Variants in EPC2 observed in about 807,000 individuals in gnomAD.
EPC2 encodes the protein enhancer of polycomb homolog 2.
In EPC2, 14 loss-of-function variants were observed where a neutral mutation model predicts 92.1. That is an observed-to-expected ratio of 0.15 (90% CI 0.10 to 0.24). The LOEUF (loss-of-function observed/expected upper bound fraction) is 0.24. Among genes scored for constraint, EPC2 ranks in the 10% least tolerant of loss-of-function variants. EPC2 has a pLI of 1.00. For synonymous variants in EPC2, 340 were observed against 334.7 expected (o/e 1.02, Z -0.17); for missense variants, 755 against 971.5 (o/e 0.78, Z 2.96).
At chr2:148,678,014 G>A (rs958328194) in intron 1 of EPC2, among the ~76,000 whole-genome samples, 3 of 152,148 alleles carry the variant, frequency 2.0e-5, no homozygotes, top group African/African-American at 7.2e-5. Context: ...GCTGGCTCCC[G>A]CAGCCTGCTT....
chr2:148,757,719 C>G (rs1414302157), intron 4 of EPC2, among the ~76,000 whole-genome samples: 5 of 151,952 alleles, frequency 3.3e-5, no homozygotes, highest in African/African-American at 1.2e-4. Flanking sequence ...CACCTGTAAT[C>G]CCAGCTACTC....
intron 3 of EPC2, among the ~76,000 whole-genome samples, chr2:148,749,479 GTTT>G (rs77332023): frequency 7.0e-6 from 1 of 143,270 alleles, no homozygotes; most frequent in Non-Finnish European, 1.5e-5. Flanking sequence ...CACATCATCG[GTTT>G]TTTTTTTTTT....
chr2:148,645,228 T>G (rs1255569283), intron 1 of EPC2, 58 bp downstream of exon 1: 4 of 1,387,982 alleles, frequency 2.9e-6, no homozygotes, highest in African/African-American at 1.5e-5. Context: ...CCTTTGTCAG[T>G]CGGGCCTCGC....
At chr2:148,752,731 A>G (rs977996558) in intron 3 of EPC2, among the ~76,000 whole-genome samples, 2 of 152,308 alleles carry the variant, frequency 1.3e-5, no homozygotes, top group African/African-American at 4.8e-5. Flanking sequence ...AATTCTAGAA[A>G]TAATCATCAT....
At chr2:148,703,448 T>C (rs1190899084) in intron 2 of EPC2, among the ~76,000 whole-genome samples, 1 of 152,158 alleles carries the variant, frequency 6.6e-6, no homozygotes, top group Non-Finnish European at 1.5e-5. Flanking sequence ...TTTGGTTTTT[T>C]TTTGTTCTAA....
At chr2:148,692,214 C>A in intron 2 of EPC2, 1 of 173,756 alleles carries the variant, frequency 5.8e-6, no homozygotes, top group South Asian at 1.3e-4. Flanking sequence ...ACTTAACTCC[C>A]TTATGAAAGC....
chr2:148,692,655 T>A (rs922146941), intron 2 of EPC2: 1 of 152,162 alleles, frequency 6.6e-6, no homozygotes, highest in African/African-American at 2.4e-5. Context: ...AGATAACTAT[T>A]CATAATAGAA....
At chr2:148,711,408 T>TA in intron 2 of EPC2, among the ~76,000 whole-genome samples, 1 of 152,204 alleles carries the variant, frequency 6.6e-6, no homozygotes, top group Non-Finnish European at 1.5e-5. Flanking sequence ...ATATTTTTGT[T>TA]ATTCATTTCT....
chr2:148,683,983 G>A (rs1574580571), intron 1 of EPC2, among the ~76,000 whole-genome samples: 1 of 152,166 alleles, frequency 6.6e-6, no homozygotes, highest in South Asian at 2.1e-4. Context: ...CCCACCAGCA[G>A]TGTAAAAGTG....
At chr2:148,767,507 G>A (rs1574631883) in intron 7 of EPC2, among the ~76,000 whole-genome samples, 1 of 152,088 alleles carries the variant, frequency 6.6e-6, no homozygotes, top group East Asian at 1.9e-4. Flanking sequence ...AAGTATTAAT[G>A]TTTACCTATA....
At chr2:148,768,090 A>G (rs1378088321) in intron 7 of EPC2, among the ~76,000 whole-genome samples, 1 of 152,176 alleles carries the variant, frequency 6.6e-6, no homozygotes, top group African/African-American at 2.4e-5. Flanking sequence ...CTCAGTGGTA[A>G]TTACCACAGT....
intron 2 of EPC2, among the ~76,000 whole-genome samples, chr2:148,707,605 A>T (rs1311077072): frequency 6.6e-6 from 1 of 152,200 alleles, no homozygotes; most frequent in Non-Finnish European, 1.5e-5. Flanking sequence ...GAAGTAAAGC[A>T]TTCCTCAGCA....
At chr2:148,749,559 C>T (rs191055354) in intron 3 of EPC2, among the ~76,000 whole-genome samples, 1 of 151,770 alleles carries the variant, frequency 6.6e-6, no homozygotes, top group East Asian at 1.9e-4. Context: ...TGGGGCAGAC[C>T]ACAAGCAGTG....
chr2:148,654,004 A>G (rs184869272), intron 1 of EPC2, among the ~76,000 whole-genome samples: 3,696 of 149,086 alleles, frequency 0.025, 53 homozygotes, highest in East Asian at 0.031. Flanking sequence ...CTGGAGTGCA[A>G]TGGCGCGATC....
intron 1 of EPC2, among the ~76,000 whole-genome samples, chr2:148,662,438 C>T (rs933325549): frequency 6.6e-6 from 1 of 152,136 alleles, no homozygotes; most frequent in African/African-American, 2.4e-5. Context: ...CAACGATAGA[C>T]TGGATTAAGA....
intron 1 of EPC2, among the ~76,000 whole-genome samples, chr2:148,667,316 CAAAAT>C (rs1171793832): frequency 6.6e-6 from 1 of 152,100 alleles, no homozygotes; most frequent in African/African-American, 2.4e-5. Flanking sequence ...TGTTTCAGTA[CAAAAT>C]AAAAGGAACT....
intron 2 of EPC2, among the ~76,000 whole-genome samples, chr2:148,728,693 G>A (rs1682552005): frequency 6.9e-6 from 1 of 144,026 alleles, no homozygotes; most frequent in Non-Finnish European, 1.5e-5. Flanking sequence ...TCGTGCTACT[G>A]CACTGCATCC....
chr2:148,747,498 A>G (rs1170092338), intron 3 of EPC2, among the ~76,000 whole-genome samples: 1 of 152,012 alleles, frequency 6.6e-6, no homozygotes, highest in African/African-American at 2.4e-5. Context: ...CTTCTCAGCA[A>G]ACTACCACCC....
intron 1 of EPC2, among the ~76,000 whole-genome samples, chr2:148,647,609 G>A (rs12623667): frequency 0.079 from 11,498 of 144,762 alleles, 582 homozygotes; most frequent in East Asian, 0.29. Flanking sequence ...GCCTGGCCGC[G>A]CCTTGCAGAC....
Sources: allele counts gnomAD v4.1 joint callset (sites outside exome capture counted in the v4.1 genomes callset), GRCh38; gene constraint gnomAD v4.1.1; transcripts MANE v1.5; gene names NCBI Gene and HGNC (gene_info 2026-07-23, HGNC 2026-07-21).